Variants in PCLO observed in about 807,000 individuals in gnomAD.
PCLO encodes the protein piccolo presynaptic cytomatrix protein.
A neutral mutation model predicts 427.5 loss-of-function variants in PCLO; 82 were observed. The ratio of observed to expected loss-of-function variants is 0.19; its 90% CI spans 0.16 to 0.23. The LOEUF (loss-of-function observed/expected upper bound fraction) is 0.23, where lower values mean the gene tolerates loss of function less well. Ranked by LOEUF, PCLO falls within the 10% of genes least tolerant of loss-of-function variation. The pLI is 1.00. For missense variants in PCLO, 6,239 were observed against 6,115.9 expected, an observed-to-expected ratio of 1.02 and a Z score of -0.67; for synonymous variants, 2,357 against 2,155.4, an observed-to-expected ratio of 1.09 and a Z score of -2.59.
chr7:82,916,479 T>G lies in PCLO; in HGVS notation c.11507A>C (p.Asp3836Ala). ...GVAEDRDYMS[D>A]SEVSSTRPTR... ...TGGTCTTGTGCTACTCACTTCACTGTCAGACATGTAATCACGATCCTCAGC... is the reference window on the plus strand; with the variant it reads ...TGGTCTTGTGCTACTCACTTCACTGGCAGACATGTAATCACGATCCTCAGC... The change falls in exon 7 of 25, where the codon GAC (aspartate) becomes GCC (alanine). Residue 3836 changes from aspartate (D) to alanine (A), a missense_variant. Physicochemically the swap from Asp to Ala is moderately radical, Grantham distance 126. Coordinates refer to ENST00000333891, the MANE Select transcript of PCLO (RefSeq NM_033026.6). The G allele has an allele frequency of 1.2e-6, 2 of 1,613,724 alleles. No individual in the cohort carries two copies. The highest frequency in any genetic ancestry group is 1.7e-6 in the Non-Finnish European group (2 of 1,179,756).
At chr7:82,847,328 G>C in intron 10 of PCLO, 81 bp from the exon 11 acceptor site, 2 of 739,692 alleles carry the variant, frequency 2.7e-6, no homozygotes, top group Admixed American at 4.9e-5. Flanking sequence ...ACATTTATTT[G>C]CATTTAGAAG....
At chr7:83,127,437 AAT>A (rs541446253) in intron 3 of PCLO, among the ~76,000 whole-genome samples, 6 of 152,174 alleles carry the variant, frequency 3.9e-5, no homozygotes, top group Non-Finnish European at 8.8e-5. Context: ...GGTATGTTTA[AAT>A]AGATAAGATA....
rs865782059 is a variant in PCLO, at chr7:82,911,966, A to G, written c.13300+2720T>C. 3.9e-5 allele frequency among the ~76,000 whole-genome samples: 6 copies of G among 152,274 alleles called. No individual in the cohort carries two copies. The South Asian group carries it at 6.2e-4, about 16-fold the overall frequency. ...CTAAAAATATTAATAAATATTAAGC[A>G]ACATAAACTATATCTATATAGACTT... On this transcript the variant is annotated intron_variant, in intron 7 of 24. Transcript: ENST00000333891.
At chr7:82,874,408 C>G (rs1019737403) in intron 10 of PCLO, among the ~76,000 whole-genome samples, 2 of 152,094 alleles carry the variant, frequency 1.3e-5, no homozygotes, top group Non-Finnish European at 2.9e-5. Context: ...CAGGAGTGAG[C>G]CACTGTGACG....
At chr7:83,063,375 A>G (rs936214604) in intron 3 of PCLO, among the ~76,000 whole-genome samples, 30 of 152,042 alleles carry the variant, frequency 2.0e-4, no homozygotes, top group African/African-American at 6.8e-4. Context: ...CTGTTTTATG[A>G]TGTCTGACTT....
At position 83,096,999 on chromosome 7, in the gene PCLO, A is replaced by G. The variant is rs1415545115; in HGVS notation, c.3300+37251T>C. Among the ~76,000 whole-genome samples, 3 of 29,440 alleles carry G rather than the reference A, an allele frequency of 1.0e-4. 1 individual carries two copies. Among genetic ancestry groups the G allele is most frequent in the Non-Finnish European group, 1.7e-4 (3 of 17,716 alleles). 19.3% of individuals were successfully genotyped at this position (29,440 alleles called of 152,430 possible). ...ATATATTATATAAATAATATATATT[A>G]TATAAATAATATATATTATATATTA... On this transcript the variant is annotated intron_variant, in intron 3 of 24. Transcript: ENST00000333891.
At chr7:82,988,829 TTTTTA>T (rs534174062) in intron 3 of PCLO, among the ~76,000 whole-genome samples, 86 of 151,642 alleles carry the variant, frequency 5.7e-4, no homozygotes, top group African/African-American at 2.0e-3. Context: ...ATTTTTTATT[TTTTTA>T]TTTTATTTTT....
rs140538169 is a variant in PCLO at position 82,800,792 on chromosome 7, C to T, written c.15007+726G>A. Among the ~76,000 whole-genome samples, 219 of 151,956 alleles carry T rather than the reference C, an allele frequency of 1.4e-3. 1 individual carries two copies. Among genetic ancestry groups the T allele is most frequent in the African/African-American group, 4.6e-3 (191 of 41,490 alleles). Reference sequence around the variant, plus strand: ...TGTATTTTTAGTAGAGATGGGGTTTCGCCATGTTGGTCTCGAACTCCTGAC... The same window carrying T: ...TGTATTTTTAGTAGAGATGGGGTTTTGCCATGTTGGTCTCGAACTCCTGAC... On this transcript the variant is annotated intron_variant, in intron 22 of 24. Transcript: ENST00000333891.
intron 7 of PCLO, among the ~76,000 whole-genome samples, chr7:82,912,402 T>C (rs935933861): frequency 2.0e-5 from 3 of 151,922 alleles, no homozygotes; most frequent in East Asian, 3.9e-4. Context: ...AAAGAAAATA[T>C]ATAACATTTT....
At chr7:83,104,543 C>G (rs961287239) in intron 3 of PCLO, among the ~76,000 whole-genome samples, 4 of 151,910 alleles carry the variant, frequency 2.6e-5, no homozygotes, top group Non-Finnish European at 4.4e-5. Flanking sequence ...CATACTATGG[C>G]TAAAATAATT....
chr7:83,045,419 G>GCTAAAATGA (rs759202509), intron 3 of PCLO, among the ~76,000 whole-genome samples: 1 of 152,082 alleles, frequency 6.6e-6, no homozygotes, highest in Non-Finnish European at 1.5e-5. Flanking sequence ...TTATGACCCA[G>GCTAAAATGA]CTAAAATGCC....
chr7:82,816,750 T>C (rs1212875010), intron 20 of PCLO, among the ~76,000 whole-genome samples: 4 of 152,124 alleles, frequency 2.6e-5, no homozygotes, highest in Non-Finnish European at 4.4e-5. Context: ...GGTCTTACTT[T>C]TCACGTCAGA....
intron 20 of PCLO, among the ~76,000 whole-genome samples, chr7:82,809,791 A>AT (rs545304725): frequency 2.5e-3 from 385 of 151,084 alleles, no homozygotes; most frequent in East Asian, 0.012. Context: ...TTAGGGAGTC[A>AT]TTTTTTTTAG....
In PCLO at chr7:82,762,394, T is replaced by C. The variant is rs188873750; in HGVS notation, c.15008-901A>G. Among the ~76,000 whole-genome samples the C allele has an allele frequency of 1.8e-3, 268 of 152,158 alleles. 2 individuals are homozygous for C. Among genetic ancestry groups the C allele is most frequent in the Non-Finnish European group, 2.9e-3 (197 of 67,972 alleles). On this transcript the variant is annotated intron_variant, in intron 22 of 24. Coordinates refer to ENST00000333891, the MANE Select transcript of PCLO (RefSeq NM_033026.6). ...ATGCCTATGTGATAGTAACATATTG[T>C]AAATAGAAGCCATGTTAAGAATTTG...
At chr7:83,081,711 G>A (rs1375343836) in intron 3 of PCLO, among the ~76,000 whole-genome samples, 1 of 151,630 alleles carries the variant, frequency 6.6e-6, no homozygotes, top group African/African-American at 2.4e-5. Context: ...ATAGATATTT[G>A]AGCCAGCCAT....
intron 10 of PCLO, among the ~76,000 whole-genome samples, chr7:82,878,405 A>G (rs1394864554): frequency 2.0e-5 from 3 of 152,206 alleles, no homozygotes; most frequent in Non-Finnish European, 4.4e-5. Context: ...AAATGACAGA[A>G]AAACATTTAT....
chr7:83,114,550 T>C (rs1305046666), intron 3 of PCLO, among the ~76,000 whole-genome samples: 3 of 152,042 alleles, frequency 2.0e-5, no homozygotes, highest in African/African-American at 4.8e-5. Context: ...TATCAGGTGA[T>C]GAATTTTAAA....
At chr7:83,111,088 A>C (rs1191017903) in intron 3 of PCLO, among the ~76,000 whole-genome samples, 1 of 152,224 alleles carries the variant, frequency 6.6e-6, no homozygotes, top group African/African-American at 2.4e-5. Context: ...AGATGAATTT[A>C]TTCTGATTTA....
chr7:82,899,144 A>G (rs56715323), intron 9 of PCLO, among the ~76,000 whole-genome samples: 10,044 of 151,524 alleles, frequency 0.066, 456 homozygotes, highest in East Asian at 0.2. Context: ...AATGTATATG[A>G]TAAACACATA....
Sources: allele counts gnomAD v4.1 joint callset (sites outside exome capture counted in the v4.1 genomes callset), GRCh38; gene constraint gnomAD v4.1.1; transcripts MANE v1.5; gene names NCBI Gene and HGNC (gene_info 2026-07-23, HGNC 2026-07-21).